The following CAMK4 variants were observed in gnomAD, a reference collection of about 807,000 sequenced individuals.
CAMK4 encodes the protein calcium/calmodulin dependent protein kinase IV.
In CAMK4, 22 loss-of-function variants were observed where a neutral mutation model predicts 44.9. That is an observed-to-expected ratio of 0.49 (90% CI 0.35 to 0.70). The LOEUF (loss-of-function observed/expected upper bound fraction) is 0.70. CAMK4 is among the 30% of genes least tolerant of loss of function. CAMK4 has a pLI of 0.01. For missense variants in CAMK4, 498 were observed against 586.8 expected, an observed-to-expected ratio of 0.85 and a Z score of 1.56; for synonymous variants, 218 against 215.4, an observed-to-expected ratio of 1.01 and a Z score of -0.11.
At chr5:111,315,962 C>T (rs1748404911) in intron 1 of CAMK4, among the ~76,000 whole-genome samples, 1 of 152,032 alleles carries the variant, frequency 6.6e-6, no homozygotes, top group South Asian at 2.1e-4. Context: ...TTGTTTGGCT[C>T]TCTAGGCAAT....
chr5:111,350,715 A>G (rs1230338114), intron 2 of CAMK4, among the ~76,000 whole-genome samples: 3 of 152,092 alleles, frequency 2.0e-5, no homozygotes, highest in Admixed American at 6.6e-5. Context: ...TAATTTAATG[A>G]ACATTCACCT....
intron 2 of CAMK4, among the ~76,000 whole-genome samples, chr5:111,358,492 A>G (rs1026715822): frequency 1.3e-5 from 2 of 152,058 alleles, no homozygotes; most frequent in Non-Finnish European, 2.9e-5. Flanking sequence ...AGTTATATCT[A>G]AAAGAACACA....
At chr5:111,360,355 A>G (rs778561572) in intron 2 of CAMK4, among the ~76,000 whole-genome samples, 7 of 152,084 alleles carry the variant, frequency 4.6e-5, no homozygotes, top group Non-Finnish European at 8.8e-5. Context: ...GGCCACTGCC[A>G]GATGCTGTCT....
intron 5 of CAMK4, among the ~76,000 whole-genome samples, chr5:111,428,095 A>G (rs1753297001): frequency 6.6e-6 from 1 of 152,232 alleles, no homozygotes; most frequent in Non-Finnish European, 1.5e-5. Context: ...TCTGCCTGGT[A>G]ATCCAGAGAA....
chr5:111,281,018 G>C (rs1343670340), intron 1 of CAMK4, among the ~76,000 whole-genome samples: 1 of 152,208 alleles, frequency 6.6e-6, no homozygotes, highest in Admixed American at 6.5e-5. Context: ...AACATCTGGA[G>C]GAGAAAGGAA....
At chr5:111,346,310 C>T (rs1377169322) in intron 2 of CAMK4, among the ~76,000 whole-genome samples, 5 of 151,946 alleles carry the variant, frequency 3.3e-5, no homozygotes, top group Non-Finnish European at 7.4e-5. Flanking sequence ...CTATTAAGCT[C>T]AACCACATAA....
chr5:111,244,604 T>G (rs1749150284), intron 1 of CAMK4, among the ~76,000 whole-genome samples: 1 of 152,250 alleles, frequency 6.6e-6, no homozygotes, highest in South Asian at 2.1e-4. Flanking sequence ...GGCACACGCC[T>G]GTAATCTCAG....
chr5:111,260,558 C>A (rs1220863208), intron 1 of CAMK4, among the ~76,000 whole-genome samples: 1 of 152,176 alleles, frequency 6.6e-6, no homozygotes, highest in Non-Finnish European at 1.5e-5. Flanking sequence ...TATGCATCTG[C>A]AGTCCCTAGC....
intron 1 of CAMK4, among the ~76,000 whole-genome samples, chr5:111,257,444 A>C (rs1749790241): frequency 6.6e-6 from 1 of 152,238 alleles, no homozygotes; most frequent in Non-Finnish European, 1.5e-5. Context: ...GACCACATTG[A>C]GATATCATCT....
intron 1 of CAMK4, among the ~76,000 whole-genome samples, chr5:111,282,491 G>T (rs1751064710): frequency 6.6e-6 from 1 of 152,134 alleles, no homozygotes; most frequent in Admixed American, 6.5e-5. Context: ...GCGTGAATCA[G>T]TTAAATCACA....
intron 8 of CAMK4, among the ~76,000 whole-genome samples, chr5:111,474,541 A>C (rs949288150): frequency 2.0e-5 from 3 of 152,170 alleles, no homozygotes; most frequent in Non-Finnish European, 2.9e-5. Flanking sequence ...TCCATCTCCA[A>C]ATACTATCTC....
At position 111,395,155 on chromosome 5, in the gene CAMK4, A is replaced by T. The variant is rs73216055; in HGVS notation, c.459+373A>T. Among the ~76,000 whole-genome samples the T allele has an allele frequency of 1.6e-3, 232 of 146,608 alleles. 1 individual carries two copies. The highest frequency in any genetic ancestry group is 5.4e-3 in the African/African-American group (217 of 40,066). On this transcript the variant is annotated intron_variant, in intron 5 of 10. Transcript: ENST00000282356. ...ACTTGGGAGGTGGGGAGTTGCAGTGAGCCAAGGTCACGCCACTGTACTCAA... is the reference window on the plus strand; with the variant it reads ...ACTTGGGAGGTGGGGAGTTGCAGTGTGCCAAGGTCACGCCACTGTACTCAA...
intron 7 of CAMK4, among the ~76,000 whole-genome samples, chr5:111,464,785 G>A (rs1754764711): frequency 6.6e-6 from 1 of 152,168 alleles, no homozygotes; most frequent in Non-Finnish European, 1.5e-5. Context: ...TAAGTAAGTG[G>A]TTGCCATAAT....
At chr5:111,481,774 C>A (rs1263174042) in intron 9 of CAMK4, among the ~76,000 whole-genome samples, 1 of 152,202 alleles carries the variant, frequency 6.6e-6, no homozygotes, top group African/African-American at 2.4e-5. Context: ...GTCACTAAAT[C>A]TTTCTGAGCT....
intron 1 of CAMK4, among the ~76,000 whole-genome samples, chr5:111,247,902 G>A (rs1401108182): frequency 1.3e-5 from 2 of 152,164 alleles, no homozygotes; most frequent in East Asian, 1.9e-4. Flanking sequence ...GAAGTACTGC[G>A]AGGTTAAATT....
Position 111,308,355 on chromosome 5 carries a change from C to A in CAMK4, c.162-35669C>A, listed in dbSNP as rs560859666. On this transcript the variant is annotated intron_variant, in intron 1 of 10. Transcript: ENST00000282356. Reference sequence around the variant, plus strand: ...AGCTTTAATTTTCAAAAGCCTGGGGCTCAGAAATCCAAATATATAAAACAT... The same window carrying A: ...AGCTTTAATTTTCAAAAGCCTGGGGATCAGAAATCCAAATATATAAAACAT... 3.9e-5 allele frequency among the ~76,000 whole-genome samples: 6 copies of A among 151,984 alleles called. No homozygotes were observed. The South Asian group carries it at 1.2e-3, about 32-fold the overall frequency.
chr5:111,419,676 G>A (rs376395685), intron 5 of CAMK4, among the ~76,000 whole-genome samples: 3 of 151,664 alleles, frequency 2.0e-5, no homozygotes, highest in African/African-American at 7.3e-5. Flanking sequence ...AGCCAGTTTT[G>A]CCAGCACCAT....
intron 5 of CAMK4, among the ~76,000 whole-genome samples, chr5:111,441,018 G>A (rs1017719202): frequency 2.6e-5 from 4 of 152,120 alleles, no homozygotes; most frequent in Non-Finnish European, 4.4e-5. Context: ...CGTTGCAGAT[G>A]AGAAAACCGA....
intron 1 of CAMK4, among the ~76,000 whole-genome samples, chr5:111,257,816 A>G (rs1749805967): frequency 6.6e-6 from 1 of 152,262 alleles, no homozygotes; most frequent in African/African-American, 2.4e-5. Flanking sequence ...CTATGCAGCC[A>G]TAAAAAGGAA....
Sources: allele counts gnomAD v4.1 joint callset (sites outside exome capture counted in the v4.1 genomes callset), GRCh38; gene constraint gnomAD v4.1.1; transcripts MANE v1.5; gene names NCBI Gene and HGNC (gene_info 2026-07-23, HGNC 2026-07-21).